The following CNGB1 variants were observed in gnomAD, a reference collection of about 807,000 sequenced individuals.
CNGB1 encodes the protein cyclic nucleotide-gated channel beta-1.
Under a neutral mutation model 151.7 loss-of-function variants are expected in CNGB1, and 126 were observed. The ratio of observed to expected loss-of-function variants is 0.83; its 90% confidence interval spans 0.72 to 0.96. The LOEUF is 0.96. Among genes scored for constraint, CNGB1 ranks in the 40% least tolerant of loss-of-function variants. CNGB1 has a pLI of 0.00. For missense variants in CNGB1, 1,698 were observed against 1,627.0 expected, an observed-to-expected ratio of 1.04 and a Z score of -0.75; for synonymous variants, 623 against 635.1, an observed-to-expected ratio of 0.98 and a Z score of 0.29.
At chr16:57,951,383 G>A (rs1367905191) in intron 12 of CNGB1, among the ~76,000 whole-genome samples, 2 of 152,136 alleles carry the variant, frequency 1.3e-5, no homozygotes, top group South Asian at 2.1e-4. Context: ...ACAGGGTCTT[G>A]CTCTATTGCT....
intron 25 of CNGB1, among the ~76,000 whole-genome samples, chr16:57,906,847 T>C (rs1330027287): frequency 6.6e-6 from 1 of 152,142 alleles, no homozygotes; most frequent in Non-Finnish European, 1.5e-5. Flanking sequence ...TGAAGTCTCC[T>C]TGTCCTTGTC....
intron 31 of CNGB1, among the ~76,000 whole-genome samples, chr16:57,891,351 T>C (rs77784085): frequency 0.032 from 4,798 of 152,148 alleles, 102 homozygotes; most frequent in Non-Finnish European, 0.049. Flanking sequence ...TCAACCATAA[T>C]ACATGAACTT....
chr16:57,938,866 G>A (rs1961581695), intron 16 of CNGB1, among the ~76,000 whole-genome samples: 1 of 152,192 alleles, frequency 6.6e-6, no homozygotes, highest in Admixed American at 6.5e-5. Flanking sequence ...GAGTTCTCAG[G>A]ATTGAGGGCA....
At chr16:57,899,593 T>C (rs1010564094) in intron 29 of CNGB1, among the ~76,000 whole-genome samples, 3 of 152,130 alleles carry the variant, frequency 2.0e-5, no homozygotes, top group East Asian at 1.9e-4. Flanking sequence ...TGAGCCGAGA[T>C]AGTGCCACTG....
chr16:57,944,381 G>C (rs1228519588), intron 14 of CNGB1, among the ~76,000 whole-genome samples: 1 of 152,162 alleles, frequency 6.6e-6, no homozygotes, highest in Non-Finnish European at 1.5e-5. Flanking sequence ...GGGCTGGGGA[G>C]GGGTGAGAGG....
chr16:57,935,661 A>G (rs1430893057), intron 16 of CNGB1, among the ~76,000 whole-genome samples: 1 of 152,166 alleles, frequency 6.6e-6, no homozygotes, highest in Non-Finnish European at 1.5e-5. Context: ...CCAAAAAAAA[A>G]TAGAATTGGT....
At chr16:57,920,624 T>A in intron 18 of CNGB1, 80 bp from the exon 19 acceptor site, 1 of 1,561,026 alleles carries the variant, frequency 6.4e-7, no homozygotes, top group Non-Finnish European at 8.7e-7. Flanking sequence ...GTGCAGCGTC[T>A]GTGTCCCACC....
At chr16:57,923,246 T>G in intron 18 of CNGB1, 27 bp downstream of exon 18, 3 of 1,323,462 alleles carry the variant, frequency 2.3e-6, no homozygotes, top group East Asian at 2.8e-5. Flanking sequence ...AGTCTTTCAA[T>G]TTTCTGAGAC....
intron 17 of CNGB1, among the ~76,000 whole-genome samples, chr16:57,931,201 C>A (rs1480640924): frequency 6.6e-6 from 1 of 151,290 alleles, no homozygotes; most frequent in Non-Finnish European, 1.5e-5. Flanking sequence ...CTCTGTTGCC[C>A]AGGCTGCAGT....
chr16:57,961,590 G>A (rs1334910653), intron 7 of CNGB1, among the ~76,000 whole-genome samples: 1 of 152,162 alleles, frequency 6.6e-6, no homozygotes, highest in Non-Finnish European at 1.5e-5. Flanking sequence ...GTCTCAGAAG[G>A]AAGTAGAGGA....
chr16:57,922,431 C>CTT lies in CNGB1; in HGVS notation c.1643+840_1643+841dup, dbSNP rs60969134. Among the ~76,000 whole-genome samples, 221 of 136,530 alleles carry CTT rather than the reference C, an allele frequency of 1.6e-3. 1 individual carries two copies. Among genetic ancestry groups the CTT allele is most frequent in the African/African-American group, 5.9e-3 (197 of 33,540 alleles). The allele number at this position is 136,530 out of a possible 152,430, so 89.6% of individuals were successfully genotyped here. Reference sequence around the variant, plus strand: ...TCTTTCTCTCTTTCTTTCTTTCTTTCTTTTTTTTTTTTTTGAGATGAAGTA... The same window carrying CTT: ...TCTTTCTCTCTTTCTTTCTTTCTTTCTTTTTTTTTTTTTTTTGAGATGAAGTA... On this transcript the variant is annotated intron_variant, in intron 18 of 32. Coordinates refer to ENST00000251102, the MANE Select transcript of CNGB1 (RefSeq NM_001297.5).
chr16:57,882,792 CTTTTTTCT>C lies in CNGB1; in HGVS notation c.*1364_*1371del, dbSNP rs1378253155. The C allele has an allele frequency of 1.5e-5, 2 of 137,042 alleles. No individual in the cohort carries two copies. Among genetic ancestry groups the C allele is most frequent in the East Asian group, 4.2e-4 (2 of 4,710 alleles). The allele number at this position is 137,042 out of a possible 1,614,324, so 8.5% of individuals were successfully genotyped here. ...GAATGACCCTTTTTTCTTTTTTTTT[CTTTTTTCT>C]TTTTTTTTTTTTGTCTGAATCATAA... On this transcript the variant is annotated 3_prime_UTR_variant, in exon 33 of 33. Transcript: ENST00000251102.
chr16:57,901,581 C>G lies in CNGB1; in HGVS notation c.2839G>C (p.Asp947His), dbSNP rs1273551753. 15 of 1,614,130 alleles carry G rather than the reference C, an allele frequency of 9.3e-6. No individual in the cohort carries two copies. Among genetic ancestry groups the G allele is most frequent in the Non-Finnish European group, 1.3e-5 (15 of 1,180,034 alleles). ...MVQLPDKMRL[D>H]LAIDVNYNIV... ...TTGTAGTTCACGTCGATGGCGAGGTCCAGCCGCATCTTGTCTGGAAGCTGC... is the reference window on the plus strand; with the variant it reads ...TTGTAGTTCACGTCGATGGCGAGGTGCAGCCGCATCTTGTCTGGAAGCTGC... Residue 947 changes from aspartate to histidine, a missense_variant, in exon 28 of 33, where the codon GAC becomes CAC. Asp to His is a moderately conservative substitution (Grantham distance 81). Transcript: ENST00000251102.
intron 18 of CNGB1, 97 bp from the exon 19 acceptor site, chr16:57,920,641 C>A: frequency 6.7e-7 from 1 of 1,499,200 alleles, no homozygotes; most frequent in Non-Finnish European, 9.1e-7. Context: ...CACCTTCTGA[C>A]AGAGCCTGAA....
chr16:57,949,580 C>T, intron 13 of CNGB1, 141 bp from the exon 14 acceptor site: 2 of 1,382,306 alleles, frequency 1.4e-6, no homozygotes, highest in Non-Finnish European at 2.0e-6. Flanking sequence ...ACCTGGGGAG[C>T]CCCACCCGAG....
chr16:57,883,523 C>G lies in CNGB1; in HGVS notation c.*641G>C, dbSNP rs1241319662. The G allele has an allele frequency of 6.2e-6, 1 of 160,120 alleles. No homozygotes were observed. Among genetic ancestry groups the G allele is most frequent in the Non-Finnish European group, 1.4e-5 (1 of 73,868 alleles). 9.9% of individuals were successfully genotyped at this position (160,120 alleles called of 1,614,324 possible). A position where few individuals can be genotyped will look rare whatever the true frequency, so the allele number is the denominator to read the frequency against. On this transcript the variant is annotated 3_prime_UTR_variant, in exon 33 of 33. Transcript: ENST00000251102. Reference sequence around the variant, plus strand: ...CTGGGCTCAAGCCATCCTCCTGCCTCAACCTCTCCAGTAGCTGGGACTACA... The same window carrying G: ...CTGGGCTCAAGCCATCCTCCTGCCTGAACCTCTCCAGTAGCTGGGACTACA...
intron 14 of CNGB1, among the ~76,000 whole-genome samples, chr16:57,943,307 T>C (rs771765557): frequency 5.3e-5 from 8 of 152,122 alleles, no homozygotes; most frequent in Non-Finnish European, 1.2e-4. Flanking sequence ...ACATCACTAA[T>C]CATCAGAGAA....
At chr16:57,969,478 C>T (rs140059082) in intron 1 of CNGB1, among the ~76,000 whole-genome samples, 236 of 151,998 alleles carry the variant, frequency 1.6e-3, no homozygotes, top group Non-Finnish European at 1.1e-3. Context: ...ATTAGCCCAG[C>T]GTGGTGGCAC....
intron 9 of CNGB1, 87 bp from the exon 10 acceptor site, chr16:57,960,152 CG>C: frequency 6.6e-7 from 1 of 1,522,026 alleles, no homozygotes; most frequent in Non-Finnish European, 8.8e-7. Flanking sequence ...AGATTCGAGT[CG>C]CTAACAGGAC....
Sources: allele counts gnomAD v4.1 joint callset (sites outside exome capture counted in the v4.1 genomes callset), GRCh38; gene constraint gnomAD v4.1.1; transcripts MANE v1.5; gene names NCBI Gene and HGNC (gene_info 2026-07-23, HGNC 2026-07-21).